Variants in GYS2 observed in about 807,000 individuals in gnomAD.
The protein encoded by GYS2 is glycogen [starch] synthase, liver.
Under a neutral mutation model 85.6 loss-of-function variants are expected in GYS2, and 80 were observed. That is an observed-to-expected ratio of 0.93 (90% CI 0.78 to 1.13). GYS2 has a LOEUF of 1.13. Ranked by LOEUF, GYS2 falls within the 50% of genes most tolerant of loss-of-function variation. The pLI, the probability that GYS2 is intolerant of heterozygous loss-of-function variation, is 0.00. For missense variants in GYS2, 881 were observed against 854.9 expected (o/e 1.03, Z -0.38); for synonymous variants, 328 against 300.7 (o/e 1.09, Z -0.94).
chr12:21,540,154 G>T (rs745842375), intron 14 of GYS2, among the ~76,000 whole-genome samples: 3 of 152,274 alleles, frequency 2.0e-5, no homozygotes, highest in African/African-American at 4.8e-5. Context: ...ATCAAGTGAG[G>T]CACTGACAAT....
intron 1 of GYS2, among the ~76,000 whole-genome samples, chr12:21,583,995 C>G (rs1053137673): frequency 2.0e-5 from 3 of 152,182 alleles, no homozygotes; most frequent in African/African-American, 7.2e-5. Context: ...TCCCTATGAT[C>G]AGCTGACAGA....
chr12:21,568,821 A>T, intron 5 of GYS2, 44 bp downstream of exon 5: 1 of 1,564,476 alleles, frequency 6.4e-7, no homozygotes, highest in Non-Finnish European at 8.8e-7. Context: ...ATAGTGTAAC[A>T]TCATTCGGAA....
intron 11 of GYS2, among the ~76,000 whole-genome samples, chr12:21,557,855 C>A (rs991304743): frequency 2.0e-5 from 3 of 151,938 alleles, no homozygotes; most frequent in African/African-American, 7.2e-5. Context: ...GCCGAGATAG[C>A]GCCACTGCAC....
intron 12 of GYS2, among the ~76,000 whole-genome samples, chr12:21,543,283 C>A (rs746396733): frequency 8.5e-5 from 13 of 152,162 alleles, no homozygotes; most frequent in Non-Finnish European, 1.8e-4. Context: ...TCCCATTACC[C>A]ATGAAGTAAT....
At chr12:21,569,126 C>G in intron 4 of GYS2, 117 bp from the exon 5 acceptor site, 1 of 952,010 alleles carries the variant, frequency 1.1e-6, no homozygotes, top group Non-Finnish European at 1.7e-6. Context: ...AATTTATGAC[C>G]ACAAAAAAGT....
chr12:21,539,250 A>C lies in GYS2; in HGVS notation c.1890+8T>G. ...TAGCTTTCAAAAAAAAATACATTGA[A>C]TATTTACCGTTGGTGGTGATGTTAG... On this transcript the variant is annotated splice_region_variant and intron_variant, in intron 15 of 15. Coordinates refer to ENST00000261195, the MANE Select transcript of GYS2 (RefSeq NM_021957.4). 6.8e-7 allele frequency: 1 copy of C among 1,475,944 alleles called. No individual in the cohort carries two copies. Among genetic ancestry groups the C allele is most frequent in the Non-Finnish European group, 9.5e-7 (1 of 1,055,080 alleles). The allele number at this position is 1,475,944 out of a possible 1,614,324, so 91.4% of individuals were successfully genotyped here.
At chr12:21,547,012 A>G (rs1944049896) in intron 11 of GYS2, among the ~76,000 whole-genome samples, 1 of 152,136 alleles carries the variant, frequency 6.6e-6, no homozygotes, top group African/African-American at 2.4e-5. Context: ...TCAGCTAGAG[A>G]CCATCACCTC....
chr12:21,555,632 C>G (rs1944170076), intron 11 of GYS2, among the ~76,000 whole-genome samples: 1 of 152,190 alleles, frequency 6.6e-6, no homozygotes, highest in African/African-American at 2.4e-5. Context: ...ACCAGATCAT[C>G]ACATCCAGAC....
At chr12:21,588,017 T>A (rs1944593035) in intron 1 of GYS2, among the ~76,000 whole-genome samples, 1 of 152,144 alleles carries the variant, frequency 6.6e-6, no homozygotes, top group South Asian at 2.1e-4. Flanking sequence ...CACTAAATAA[T>A]AATCACATGT....
At chr12:21,597,928 G>A (rs920185177) in intron 1 of GYS2, among the ~76,000 whole-genome samples, 9 of 151,990 alleles carry the variant, frequency 5.9e-5, no homozygotes, top group Non-Finnish European at 2.9e-5. Context: ...TATGTTAAAC[G>A]AAATAAGCCA....
chr12:21,559,188 A>C lies in GYS2; in HGVS notation c.1230-19T>G. ...TTCTCCTCTGCAGGGAAAAAATGTT[A>C]ATAACAAAAATAAAAACAGCTGGCA... is the stretch of plus-strand genomic sequence containing the variant. On this transcript the variant is annotated intron_variant, in intron 9 of 15. Transcript: ENST00000261195. The C allele has an allele frequency of 6.9e-7, 1 of 1,440,736 alleles. No individual in the cohort carries two copies. The allele number at this position is 1,440,736 out of a possible 1,614,324, so 89.2% of individuals were successfully genotyped here. A position where few individuals can be genotyped will look rare whatever the true frequency, so the allele number is the denominator to read the frequency against.
chr12:21,590,886 G>GA (rs992658513), intron 1 of GYS2, among the ~76,000 whole-genome samples: 10 of 151,852 alleles, frequency 6.6e-5, no homozygotes, highest in Non-Finnish European at 1.2e-4. Context: ...GTTGGCAGCT[G>GA]AAAAAAAATA....
intron 7 of GYS2, among the ~76,000 whole-genome samples, chr12:21,562,075 G>A (rs972226290): frequency 3.3e-5 from 5 of 151,998 alleles, no homozygotes; most frequent in Admixed American, 3.3e-4. Flanking sequence ...GCTATGACAT[G>A]GTATCTTTTT....
Position 21,536,261 on chromosome 12 carries a change from T to G in GYS2, c.*693A>C, listed in dbSNP as rs1943909412. Reference sequence around the variant, plus strand: ...TATCATCTATGAAGATTGACCAAATTTTAAAAAGGCTTTCTATTTAAACAA... The same window carrying G: ...TATCATCTATGAAGATTGACCAAATGTTAAAAAGGCTTTCTATTTAAACAA... On this transcript the variant is annotated 3_prime_UTR_variant, in exon 16 of 16. Transcript: ENST00000261195. 6.6e-6 allele frequency: 1 copy of G among 152,218 alleles called. No homozygotes were observed. Among genetic ancestry groups the G allele is most frequent in the African/African-American group, 2.4e-5 (1 of 41,442 alleles). 9.4% of individuals were successfully genotyped at this position (152,218 alleles called of 1,614,324 possible).
chr12:21,559,567 A>G (rs1944225975), intron 9 of GYS2, 84 bp downstream of exon 9: 1 of 812,192 alleles, frequency 1.2e-6, no homozygotes, highest in South Asian at 1.4e-5. Flanking sequence ...TTGGAACAAA[A>G]TTAATAAGTT....
At chr12:21,546,988 A>G (rs2136851251) in intron 11 of GYS2, among the ~76,000 whole-genome samples, 1 of 152,058 alleles carries the variant, frequency 6.6e-6, no homozygotes, top group East Asian at 1.9e-4. Flanking sequence ...CTTCGTGCAA[A>G]CCTCCCTCCT....
At chr12:21,552,504 T>C (rs1944124372) in intron 11 of GYS2, among the ~76,000 whole-genome samples, 1 of 152,224 alleles carries the variant, frequency 6.6e-6, no homozygotes, top group Non-Finnish European at 1.5e-5. Context: ...GCCTAAGTTA[T>C]TGCCAAATTT....
At chr12:21,542,108 C>A (rs916322684) in intron 13 of GYS2, among the ~76,000 whole-genome samples, 2 of 151,910 alleles carry the variant, frequency 1.3e-5, no homozygotes, top group African/African-American at 4.8e-5. Context: ...TGTGCAGTGG[C>A]ACGATCTCAG....
chr12:21,598,731 A>G (rs1190174950), intron 1 of GYS2, among the ~76,000 whole-genome samples: 1 of 152,188 alleles, frequency 6.6e-6, no homozygotes, highest in Non-Finnish European at 1.5e-5. Flanking sequence ...TTATTCTGAC[A>G]TTAAAAAAGA....
Sources: allele counts gnomAD v4.1 joint callset (sites outside exome capture counted in the v4.1 genomes callset), GRCh38; gene constraint gnomAD v4.1.1; transcripts MANE v1.5; gene names NCBI Gene and HGNC (gene_info 2026-07-23, HGNC 2026-07-21).